Variants in SLC35F1 observed in about 807,000 individuals in gnomAD.
SLC35F1 encodes chromosome 6 open reading frame 169.
SLC35F1 carries 14 observed loss-of-function variants against 48.7 expected under a neutral mutation model. The observed-to-expected ratio is 0.29, with a 90% CI of 0.19 to 0.45. The LOEUF (loss-of-function observed/expected upper bound fraction) is 0.45, where lower values mean the gene tolerates loss of function less well. Ranked by LOEUF, SLC35F1 falls within the 20% of genes least tolerant of loss-of-function variation. The probability of loss-of-function intolerance (pLI) is 1.00; values close to 1 mark genes in which losing one functional copy is unlikely to be tolerated. For synonymous variants in SLC35F1, 190 were observed against 202.2 expected, an observed-to-expected ratio of 0.94 and a Z score of 0.51; for missense variants, 404 against 500.0, an observed-to-expected ratio of 0.81 and a Z score of 1.83.
At chr6:118,066,169 C>G (rs1443996660) in intron 1 of SLC35F1, among the ~76,000 whole-genome samples, 1 of 152,224 alleles carries the variant, frequency 6.6e-6, no homozygotes, top group South Asian at 2.1e-4. Context: ...TAGAAAAATA[C>G]TTTTTTGTAA....
At chr6:117,949,847 G>A (rs1333151232) in intron 1 of SLC35F1, among the ~76,000 whole-genome samples, 1 of 152,118 alleles carries the variant, frequency 6.6e-6, no homozygotes, top group Non-Finnish European at 1.5e-5. Flanking sequence ...TTTACTCTCT[G>A]TCTCGGGGAT....
chr6:118,122,421 C>CTCA (rs1773564776), intron 1 of SLC35F1, among the ~76,000 whole-genome samples: 1 of 152,180 alleles, frequency 6.6e-6, no homozygotes, highest in Non-Finnish European at 1.5e-5. Flanking sequence ...GCTCATTAAA[C>CTCA]AAGCTTTTGC....
chr6:118,037,569 C>T (rs879495523), intron 1 of SLC35F1, among the ~76,000 whole-genome samples: 16 of 152,116 alleles, frequency 1.1e-4, no homozygotes, highest in Admixed American at 2.6e-4. Context: ...CACATGCACA[C>T]GTATGTTTAT....
At chr6:117,945,222 ATGC>A (rs766851690) in intron 1 of SLC35F1, among the ~76,000 whole-genome samples, 11 of 152,238 alleles carry the variant, frequency 7.2e-5, no homozygotes, top group Non-Finnish European at 1.0e-4. Flanking sequence ...TCCTCCTCTA[ATGC>A]TGCTCAGTCT....
At chr6:118,279,639 A>G (rs890107817) in intron 6 of SLC35F1, among the ~76,000 whole-genome samples, 3 of 152,210 alleles carry the variant, frequency 2.0e-5, no homozygotes, top group African/African-American at 7.2e-5. Context: ...GGGAGATGGC[A>G]TAACAGCCAC....
At chr6:117,940,899 T>G (rs1005225142) in intron 1 of SLC35F1, among the ~76,000 whole-genome samples, 4 of 152,198 alleles carry the variant, frequency 2.6e-5, no homozygotes, top group African/African-American at 9.7e-5. Flanking sequence ...TCCACCCACC[T>G]GGGCCTCTCA....
At chr6:118,195,816 G>A (rs79346689) in intron 2 of SLC35F1, among the ~76,000 whole-genome samples, 1 of 152,128 alleles carries the variant, frequency 6.6e-6, no homozygotes, top group Non-Finnish European at 1.5e-5. Flanking sequence ...ATTTAAGAGA[G>A]AACTTACCCA....
At chr6:118,303,297 A>G (rs1408499285) in intron 7 of SLC35F1, among the ~76,000 whole-genome samples, 1 of 152,246 alleles carries the variant, frequency 6.6e-6, no homozygotes, top group Non-Finnish European at 1.5e-5. Context: ...CAGAAGTTGA[A>G]TTAAAGTTGA....
intron 1 of SLC35F1, among the ~76,000 whole-genome samples, chr6:117,941,119 G>A (rs929485671): frequency 4.6e-5 from 7 of 152,108 alleles, no homozygotes; most frequent in African/African-American, 1.7e-4. Flanking sequence ...AAGACTTGGT[G>A]TCCCCATGTT....
intron 1 of SLC35F1, among the ~76,000 whole-genome samples, chr6:118,085,299 T>C (rs1447170467): frequency 6.6e-6 from 1 of 152,074 alleles, no homozygotes; most frequent in Non-Finnish European, 1.5e-5. Context: ...GGTTCTGATA[T>C]AGTTAGGGCC....
At chr6:118,081,979 T>TA (rs1343609729) in intron 1 of SLC35F1, among the ~76,000 whole-genome samples, 2 of 152,244 alleles carry the variant, frequency 1.3e-5, no homozygotes, top group East Asian at 3.8e-4. Context: ...AAATTTCCGT[T>TA]AATCTGTATC....
At chr6:118,218,458 T>A (rs1213586760) in intron 2 of SLC35F1, among the ~76,000 whole-genome samples, 4 of 152,080 alleles carry the variant, frequency 2.6e-5, no homozygotes, top group Non-Finnish European at 5.9e-5. Context: ...TTGAATTAGA[T>A]CTAAGATGTA....
In SLC35F1 at chr6:117,936,490, A is replaced by G. The variant is rs138329616; in HGVS notation, c.173+28591A>G. On this transcript the variant is annotated intron_variant, in intron 1 of 7. Transcript: ENST00000360388. ...TCTCAGAGTTGCTCTCATCTTTGCAATTGAGTTCTCCTCCATGTTATCTGG... is the reference window on the plus strand; with the variant it reads ...TCTCAGAGTTGCTCTCATCTTTGCAGTTGAGTTCTCCTCCATGTTATCTGG... Among the ~76,000 whole-genome samples, 444 of 152,304 alleles carry G rather than the reference A, an allele frequency of 2.9e-3. 2 individuals are homozygous for G. The highest frequency in any genetic ancestry group is 0.01 in the African/African-American group (426 of 41,566).
At chr6:117,942,951 A>T (rs1776250190) in intron 1 of SLC35F1, among the ~76,000 whole-genome samples, 1 of 152,234 alleles carries the variant, frequency 6.6e-6, no homozygotes, top group Non-Finnish European at 1.5e-5. Flanking sequence ...TGAGACAATT[A>T]TGATCAATTT....
At chr6:118,154,362 C>A in intron 1 of SLC35F1, 83 bp from the exon 2 acceptor site, 1 of 1,182,746 alleles carries the variant, frequency 8.5e-7, no homozygotes, top group Non-Finnish European at 1.2e-6. Flanking sequence ...TGCATGCTAC[C>A]AGTGCTCAAA....
intron 7 of SLC35F1, among the ~76,000 whole-genome samples, chr6:118,286,775 C>CTGTGTG (rs372641234): frequency 5.4e-4 from 78 of 143,682 alleles, no homozygotes; most frequent in East Asian, 2.0e-3. Context: ...TACCTTTTTT[C>CTGTGTG]TGTGTGTGTG....
chr6:117,962,482 A>G (rs1202782866), intron 1 of SLC35F1, among the ~76,000 whole-genome samples: 1 of 152,188 alleles, frequency 6.6e-6, no homozygotes, highest in African/African-American at 2.4e-5. Flanking sequence ...CACCACACAC[A>G]CAAACACACA....
chr6:117,975,673 T>A (rs796997654), intron 1 of SLC35F1, among the ~76,000 whole-genome samples: 26 of 152,334 alleles, frequency 1.7e-4, no homozygotes, highest in African/African-American at 6.0e-4. Flanking sequence ...TACTAACCTA[T>A]GTAAAAGGGA....
At chr6:118,208,073 T>TCA (rs1204237560) in intron 2 of SLC35F1, among the ~76,000 whole-genome samples, 5 of 151,190 alleles carry the variant, frequency 3.3e-5, no homozygotes, top group Admixed American at 6.6e-5. Flanking sequence ...TCTCTCTCTC[T>TCA]CACACACACA....
Sources: allele counts gnomAD v4.1 joint callset (sites outside exome capture counted in the v4.1 genomes callset), GRCh38; gene constraint gnomAD v4.1.1; transcripts MANE v1.5; gene names NCBI Gene and HGNC (gene_info 2026-07-23, HGNC 2026-07-21).